ANXA11: variants seen among roughly 807,000 people sequenced by gnomAD.
ANXA11 encodes 56 kDa autoantigen.
In ANXA11, 57 loss-of-function variants were observed where a neutral mutation model predicts 64.7. The observed-to-expected ratio is 0.88, with a 90% CI of 0.71 to 1.10. ANXA11 has a LOEUF of 1.10. ANXA11 is among the 50% of genes least tolerant of loss of function. ANXA11 has a pLI of 0.00. For missense variants in ANXA11, 675 were observed against 670.7 expected (o/e 1.01, Z -0.07); for synonymous variants, 260 against 265.2 (o/e 0.98, Z 0.19).
chr10:80,172,542 G>A (rs1452240779), intron 3 of ANXA11, among the ~76,000 whole-genome samples: 1 of 152,168 alleles, frequency 6.6e-6, no homozygotes, highest in Admixed American at 6.5e-5. Flanking sequence ...TTACTAGAGA[G>A]TAAGGCAAGA....
chr10:80,166,278 G>C (rs879693020), intron 7 of ANXA11, 81 bp from the exon 8 acceptor site: 4 of 796,236 alleles, frequency 5.0e-6, no homozygotes, highest in Non-Finnish European at 8.2e-6. Context: ...ACTAATAAGA[G>C]CCATATCCCA....
intron 1 of ANXA11, among the ~76,000 whole-genome samples, chr10:80,193,486 A>G (rs185876067): frequency 6.6e-6 from 1 of 152,274 alleles, no homozygotes; most frequent in Admixed American, 6.5e-5. Context: ...CAATAAATAC[A>G]ACATATATAT....
intron 15 of ANXA11, chr10:80,157,013 G>A: frequency 1.0e-6 from 1 of 985,424 alleles, no homozygotes; most frequent in Non-Finnish European, 1.2e-6. Context: ...GACTGGCTCT[G>A]CCACACAGCG....
At chr10:80,164,253 C>T (rs1845638767) in intron 8 of ANXA11, 110 bp from the exon 9 acceptor site, 3 of 794,966 alleles carry the variant, frequency 3.8e-6, no homozygotes, top group Non-Finnish European at 6.2e-6. Flanking sequence ...CAACAGAGGC[C>T]CCTGACACAG....
At position 80,169,090 on chromosome 10, in the gene ANXA11, T is replaced by G. The variant is rs534734419; in HGVS notation, c.440A>C (p.Gln147Pro). 1.3e-6 allele frequency: 2 copies of G among 1,533,698 alleles called. No homozygotes were observed. The highest frequency in any genetic ancestry group is 4.5e-5 in the East Asian group (2 of 44,208). The change falls in exon 5 of 16, where the codon CAG becomes CCG. Residue 147 changes from glutamine (Q) to proline (P), a missense_variant. Physicochemically the swap from Gln to Pro is moderately conservative, Grantham distance 76 (BLOSUM62 -1). Coordinates refer to ENST00000422982, the MANE Select transcript of ANXA11 (RefSeq NM_145868.2). The part of the protein sequence containing the change: ...GQQPPGAYPG[Q>P]PPVTYPGQPP... ...CTGACCAGGGTAGGTCACTGGTGGC[T>G]GCCCAGGGTAGGCCCCTGGGGGCTG...
intron 1 of ANXA11, among the ~76,000 whole-genome samples, chr10:80,201,200 T>C (rs1197757814): frequency 6.6e-6 from 1 of 152,096 alleles, no homozygotes; most frequent in Non-Finnish European, 1.5e-5. Context: ...ATCTCCTCCA[T>C]ATCACTCACC....
Position 80,157,775 on chromosome 10 carries a change from C to A in ANXA11, c.1336-12G>T. The A allele has an allele frequency of 1.2e-6, 2 of 1,610,682 alleles. No homozygotes were observed. The highest frequency in any genetic ancestry group is 1.7e-6 in the Non-Finnish European group (2 of 1,177,838). On this transcript the variant is annotated splice_polypyrimidine_tract_variant and intron_variant, in intron 14 of 15. Transcript: ENST00000422982. The stretch of plus-strand genomic sequence containing the variant: ...TTTGTTCCTGCCCCCTAAAGAGAGT[C>A]CACCCAAGAGCATGAGCACCAGGCC...
At position 80,166,872 on chromosome 10, in the gene ANXA11, C is replaced by G; in HGVS notation, c.744+18G>C. On this transcript the variant is annotated intron_variant, in intron 7 of 15. Transcript: ENST00000422982. The stretch of plus-strand genomic sequence containing the variant: ...CAGGACACGCCTCACTGTCCCGCGC[C>G]CCCACCCCGCAGCTCGCCTTGCCGT... The G allele has an allele frequency of 6.3e-7, 1 of 1,589,122 alleles. No homozygotes were observed. Among genetic ancestry groups the G allele is most frequent in the South Asian group, 1.1e-5 (1 of 88,152 alleles).
At chr10:80,179,552 C>G (rs1846285021) in intron 1 of ANXA11, among the ~76,000 whole-genome samples, 1 of 152,212 alleles carries the variant, frequency 6.6e-6, no homozygotes, top group Non-Finnish European at 1.5e-5. Context: ...ATGCACCTGA[C>G]AGCAATCACT....
intron 1 of ANXA11, among the ~76,000 whole-genome samples, chr10:80,181,664 T>C (rs539993130): frequency 3.9e-5 from 6 of 152,140 alleles, no homozygotes; most frequent in Admixed American, 6.5e-5. Flanking sequence ...CCAAAGAGGA[T>C]ATAAGGTGGC....
At chr10:80,163,086 G>A (rs896509826) in intron 11 of ANXA11, among the ~76,000 whole-genome samples, 13 of 152,100 alleles carry the variant, frequency 8.5e-5, no homozygotes, top group African/African-American at 2.7e-4. Context: ...AAAATCCCAC[G>A]TCCAAAACCA....
chr10:80,187,142 G>A (rs1846571752), intron 1 of ANXA11, among the ~76,000 whole-genome samples: 1 of 152,204 alleles, frequency 6.6e-6, no homozygotes, highest in African/African-American at 2.4e-5. Context: ...ACTCCAAAGT[G>A]TGGCCAGGAC....
intron 8 of ANXA11, among the ~76,000 whole-genome samples, chr10:80,165,078 T>G (rs1845669833): frequency 6.6e-6 from 1 of 152,202 alleles, no homozygotes; most frequent in Non-Finnish European, 1.5e-5. Context: ...TGACTCCGGC[T>G]GAAGACGGGG....
In ANXA11 at chr10:80,162,013, C is replaced by T. The variant is rs772333853; in HGVS notation, c.1102G>A (p.Gly368Arg). The part of the protein sequence containing the change: ...QRDAQELYAA[G>R]ENRLGTDESK... ...TCGTCTGTTCCCAGGCGGTTCTCCC[C>T]GGCCGCATACAGCTCCTGGAGAGAG... The change falls in exon 12 of 16, where the codon GGG becomes AGG. Residue 368 changes from glycine to arginine, a missense_variant. Gly to Arg is a moderately radical substitution (Grantham distance 125). Transcript: ENST00000422982. The T allele has an allele frequency of 1.7e-5, 28 of 1,611,266 alleles. No individual in the cohort carries two copies. The highest frequency in any genetic ancestry group is 6.7e-5 in the East Asian group (3 of 44,878).
At chr10:80,192,226 T>C (rs1846809111) in intron 1 of ANXA11, among the ~76,000 whole-genome samples, 1 of 152,166 alleles carries the variant, frequency 6.6e-6, no homozygotes, top group Non-Finnish European at 1.5e-5. Flanking sequence ...AATAACTGCC[T>C]TCCAGGAAAC....
At chr10:80,184,132 C>G (rs376029006) in intron 1 of ANXA11, among the ~76,000 whole-genome samples, 1 of 152,176 alleles carries the variant, frequency 6.6e-6, no homozygotes, top group South Asian at 2.1e-4. Context: ...TGATTCATCC[C>G]GAACCCCACC....
At chr10:80,171,907 G>A in intron 3 of ANXA11, 3 of 985,566 alleles carry the variant, frequency 3.0e-6, no homozygotes, top group South Asian at 4.7e-5. Flanking sequence ...TCAGAGGGCA[G>A]TGGCCCAGCT....
Position 80,168,881 on chromosome 10 carries a change from T to C in ANXA11, c.561+88A>G, listed in dbSNP as rs905784245. 13 of 1,377,002 alleles carry C rather than the reference T, an allele frequency of 9.4e-6. No homozygotes were observed. In the South Asian group the frequency reaches 1.2e-4, roughly 12 times the overall value. The allele number at this position is 1,377,002 out of a possible 1,614,324, so 85.3% of individuals were successfully genotyped here. On this transcript the variant is annotated intron_variant, in intron 5 of 15. Coordinates refer to ENST00000422982, the MANE Select transcript of ANXA11 (RefSeq NM_145868.2). ...AGAAGTGCAGCTGGAGGCCTGCGCC[T>C]TTCCCTGTCTCCCCATCTACTGAGC...
intron 1 of ANXA11, among the ~76,000 whole-genome samples, chr10:80,176,447 A>ACTCT (rs1846172145): frequency 6.6e-6 from 1 of 152,218 alleles, no homozygotes; most frequent in African/African-American, 2.4e-5. Context: ...CACACAAGAA[A>ACTCT]CTAGCTAACA....
Sources: allele counts gnomAD v4.1 joint callset (sites outside exome capture counted in the v4.1 genomes callset), GRCh38; gene constraint gnomAD v4.1.1; transcripts MANE v1.5; gene names NCBI Gene and HGNC (gene_info 2026-07-23, HGNC 2026-07-21).